SNTG2: variants seen among roughly 807,000 people sequenced by gnomAD.
SNTG2 encodes syntrophin gamma 2.
Under a neutral mutation model 70.9 loss-of-function variants are expected in SNTG2, and 74 were observed. That is an observed-to-expected ratio of 1.04 (90% CI 0.86 to 1.27). The LOEUF (loss-of-function observed/expected upper bound fraction) is 1.27. Ranked by LOEUF, SNTG2 falls within the 50% of genes most tolerant of loss-of-function variation. SNTG2 has a pLI of 0.00. For missense variants in SNTG2, 717 were observed against 690.7 expected, an observed-to-expected ratio of 1.04 and a Z score of -0.43; for synonymous variants, 278 against 273.8, an observed-to-expected ratio of 1.02 and a Z score of -0.15.
At chr2:1,218,958 A>G (rs1015294865) in intron 9 of SNTG2, among the ~76,000 whole-genome samples, 1 of 152,196 alleles carries the variant, frequency 6.6e-6, no homozygotes, top group African/African-American at 2.4e-5. Context: ...GAGTTCAGTG[A>G]TTTTTAATTG....
chr2:1,270,931 AAAAGGATTTCTG>A, intron 14 of SNTG2, among the ~76,000 whole-genome samples: 1 of 152,294 alleles, frequency 6.6e-6, no homozygotes, highest in East Asian at 1.9e-4. Context: ...TTCCTTCTCT[AAAAGGATTTCTG>A]AAAGGAAAGC....
chr2:965,037 C>T (rs1025666546), intron 1 of SNTG2, among the ~76,000 whole-genome samples: 1 of 151,976 alleles, frequency 6.6e-6, no homozygotes, highest in African/African-American at 2.4e-5. Flanking sequence ...TCCTGCACCC[C>T]CAATCTTCAT....
chr2:1,167,774 A>G (rs1355953714), intron 7 of SNTG2, among the ~76,000 whole-genome samples: 1 of 129,618 alleles, frequency 7.7e-6, no homozygotes, highest in Non-Finnish European at 1.6e-5. Flanking sequence ...CACAGACGGC[A>G]GAACTGAAGC....
intron 8 of SNTG2, among the ~76,000 whole-genome samples, chr2:1,180,557 G>T: frequency 7.0e-6 from 1 of 142,506 alleles, no homozygotes; most frequent in East Asian, 2.5e-4. Context: ...ACATTGAAAA[G>T]TCAGGAAACA....
At chr2:1,125,217 A>G (rs1348711731) in intron 4 of SNTG2, among the ~76,000 whole-genome samples, 1 of 152,194 alleles carries the variant, frequency 6.6e-6, no homozygotes, top group Non-Finnish European at 1.5e-5. Flanking sequence ...GTTACTATAA[A>G]TAGCTACTAA....
chr2:1,236,687 T>C (rs1676681274), intron 9 of SNTG2, among the ~76,000 whole-genome samples: 1 of 152,240 alleles, frequency 6.6e-6, no homozygotes, highest in South Asian at 2.1e-4. Flanking sequence ...TAGCAAACTC[T>C]GGTCTGATAG....
At position 1,035,775 on chromosome 2, in the gene SNTG2, T is replaced by G. The variant is rs190513267; in HGVS notation, c.73-47743T>G. On this transcript the variant is annotated intron_variant, in intron 1 of 16. Coordinates refer to ENST00000308624, the MANE Select transcript of SNTG2 (RefSeq NM_018968.4). ...TCTAAAGTCTTTTATTTTCAACTCT[T>G]GTATATTTGCATTTATCTTCAGTGT... 1.5e-3 allele frequency among the ~76,000 whole-genome samples: 227 copies of G among 152,354 alleles called. 2 individuals carry two copies. The highest frequency in any genetic ancestry group is 0.012 in the South Asian group (59 of 4,826).
At position 1,222,173 on chromosome 2, in the gene SNTG2, CT is replaced by C. The variant is rs539738214; in HGVS notation, c.719+12948del. ...TCTGCCTATCTCTGTCTTTGTCTCT[CT>C]TTTTCTCCCTCTGCAGCCTCTCAGT... On this transcript the variant is annotated intron_variant, in intron 9 of 16. Transcript: ENST00000308624. Among the ~76,000 whole-genome samples the C allele has an allele frequency of 4.0e-5, 6 of 150,322 alleles. No individual in the cohort carries two copies. In the South Asian group the frequency reaches 1.3e-3, roughly 32 times the overall value.
chr2:999,501 A>G lies in SNTG2; in HGVS notation c.72+48433A>G, dbSNP rs565759039. Among the ~76,000 whole-genome samples the G allele has an allele frequency of 4.6e-5, 7 of 152,198 alleles. No individual in the cohort carries two copies. In the East Asian group the frequency reaches 1.3e-3, roughly 29 times the overall value. ...AACAATGATGAGTAGTTACACTAAT[A>G]TCAGATAAAACAGGCTTTAAATATA... On this transcript the variant is annotated intron_variant, in intron 1 of 16. Transcript: ENST00000308624.
intron 8 of SNTG2, among the ~76,000 whole-genome samples, chr2:1,197,606 G>A (rs1673008320): frequency 6.6e-6 from 1 of 151,430 alleles, no homozygotes; most frequent in Admixed American, 6.6e-5. Context: ...GCATGATCAT[G>A]GCTTACTGCA....
intron 14 of SNTG2, among the ~76,000 whole-genome samples, chr2:1,268,938 G>A (rs1421383740): frequency 6.6e-6 from 1 of 152,118 alleles, no homozygotes; most frequent in African/African-American, 2.4e-5. Flanking sequence ...GTGCCCCAGG[G>A]CCCATGCCTG....
chr2:1,309,666 A>C (rs1459651564), intron 15 of SNTG2, among the ~76,000 whole-genome samples: 1 of 152,256 alleles, frequency 6.6e-6, no homozygotes, highest in African/African-American at 2.4e-5. Context: ...GCCATGGACT[A>C]CTTCCTTTAC....
chr2:981,444 A>T (rs2147967024), intron 1 of SNTG2, among the ~76,000 whole-genome samples: 1 of 152,194 alleles, frequency 6.6e-6, no homozygotes, highest in East Asian at 1.9e-4. Flanking sequence ...ACACATGCAC[A>T]ACACACAAAT....
chr2:1,262,672 AGACGAGGCAACCGGAAGGCTCC>A (rs1678484617), intron 13 of SNTG2, among the ~76,000 whole-genome samples: 6 of 142,258 alleles, frequency 4.2e-5, no homozygotes, highest in Admixed American at 3.5e-4. Context: ...GGCTCAGTCC[AGACGAGGCAACCGGAAGGCTCC>A]GTCCAGACGA....
chr2:1,132,455 G>T (rs1009190775), intron 4 of SNTG2, among the ~76,000 whole-genome samples: 1 of 152,086 alleles, frequency 6.6e-6, no homozygotes, highest in South Asian at 2.1e-4. Context: ...TCGACACCAC[G>T]CAGACTACTT....
intron 14 of SNTG2, among the ~76,000 whole-genome samples, chr2:1,296,929 C>G (rs1398757193): frequency 6.6e-6 from 1 of 152,196 alleles, no homozygotes; most frequent in African/African-American, 2.4e-5. Flanking sequence ...AGATACAGGA[C>G]ACAGAAAATT....
chr2:1,051,041 G>A (rs1244450766), intron 1 of SNTG2, among the ~76,000 whole-genome samples: 1 of 151,832 alleles, frequency 6.6e-6, no homozygotes, highest in Non-Finnish European at 1.5e-5. Context: ...TTGCTTATCT[G>A]TTTTCATATC....
intron 14 of SNTG2, among the ~76,000 whole-genome samples, chr2:1,297,027 C>G (rs1680246916): frequency 6.6e-6 from 1 of 152,290 alleles, no homozygotes; most frequent in South Asian, 2.1e-4. Flanking sequence ...GGCACCAGCT[C>G]TATGTGCTGG....
chr2:1,256,814 C>T (rs937590773), intron 12 of SNTG2, among the ~76,000 whole-genome samples: 3 of 152,096 alleles, frequency 2.0e-5, no homozygotes, highest in Middle Eastern at 3.4e-3. Flanking sequence ...AGGGGGAAGC[C>T]GATGGCAGGG....
Sources: gnomAD v4.1 joint callset for allele counts (sites outside exome capture counted in the v4.1 genomes callset) on GRCh38, gnomAD v4.1.1 for gene constraint, MANE v1.5 for transcripts, NCBI Gene and HGNC (gene_info 2026-07-23, HGNC 2026-07-21) for gene names.